ZYG11B: variants seen among roughly 807,000 people sequenced by gnomAD.
The protein encoded by ZYG11B is protein zyg-11 homolog B.
Under a neutral mutation model 82.4 loss-of-function variants are expected in ZYG11B, and 36 were observed. The ratio of observed to expected loss-of-function variants is 0.44; its 90% CI spans 0.33 to 0.58. The LOEUF (loss-of-function observed/expected upper bound fraction) is 0.58. ZYG11B is among the 20% of genes least tolerant of loss of function. The pLI is 0.02. For missense variants in ZYG11B, 552 were observed against 895.6 expected, an observed-to-expected ratio of 0.62 and a Z score of 4.90; for synonymous variants, 303 against 312.8, an observed-to-expected ratio of 0.97 and a Z score of 0.33.
Position 52,726,477 on chromosome 1 carries a change from G to C in ZYG11B, c.-177G>C. 1.9e-6 allele frequency: 1 copy of C among 517,480 alleles called. No homozygotes were observed. The highest frequency in any genetic ancestry group is 3.0e-6 in the Non-Finnish European group (1 of 335,328). The allele number at this position is 517,480 out of a possible 1,614,324, so 32.1% of individuals were successfully genotyped here. Reference sequence around the variant, plus strand: ...CGGAGTCTGCGCTCTGGTTCGGGCTGCGGCTGCGGCTGCGGCTGCGGCTGC... The same window carrying C: ...CGGAGTCTGCGCTCTGGTTCGGGCTCCGGCTGCGGCTGCGGCTGCGGCTGC... On this transcript the variant is annotated 5_prime_UTR_variant, in exon 1 of 14. Transcript: ENST00000294353.
intron 8 of ZYG11B, among the ~76,000 whole-genome samples, chr1:52,797,418 T>TTA (rs1553262190): frequency 2.3e-5 from 2 of 88,420 alleles, no homozygotes; most frequent in Non-Finnish European, 4.1e-5. Flanking sequence ...ATATCATATA[T>TTA]TATACATATT....
At chr1:52,754,103 G>A (rs1644550360) in intron 1 of ZYG11B, among the ~76,000 whole-genome samples, 1 of 150,910 alleles carries the variant, frequency 6.6e-6, no homozygotes, top group Non-Finnish European at 1.5e-5. Context: ...CTGCCTCACT[G>A]CAACCTCTGC....
At chr1:52,795,866 C>A (rs1440965202) in intron 6 of ZYG11B, among the ~76,000 whole-genome samples, 1 of 152,094 alleles carries the variant, frequency 6.6e-6, no homozygotes, top group Non-Finnish European at 1.5e-5. Flanking sequence ...TATTCTATCT[C>A]CAGCACTAAG....
At chr1:52,772,968 C>T (rs1205112028) in intron 3 of ZYG11B, among the ~76,000 whole-genome samples, 6 of 152,028 alleles carry the variant, frequency 3.9e-5, no homozygotes, top group African/African-American at 1.4e-4. Flanking sequence ...TGAGCCACCG[C>T]GCCCAGCTAC....
chr1:52,803,169 CACACAT>C (rs1558140301), intron 10 of ZYG11B, among the ~76,000 whole-genome samples: 992 of 33,792 alleles, frequency 0.029, 135 homozygotes, highest in African/African-American at 0.16. Context: ...TATATATATA[CACACAT>C]ATATATATAT....
rs369567471 is a variant in ZYG11B at position 52,741,669 on chromosome 1, C to T, written c.31-14789C>T. ...TGAGAATACAGTAGAGAAGAAAATG[C>T]GGGGTTTTTTTCTATGCAGCTGATA... is the stretch of plus-strand genomic sequence containing the variant. On this transcript the variant is annotated intron_variant, in intron 1 of 13. Coordinates refer to ENST00000294353, the MANE Select transcript of ZYG11B (RefSeq NM_024646.3). Among the ~76,000 whole-genome samples the T allele has an allele frequency of 1.6e-4, 24 of 151,952 alleles. No individual in the cohort carries two copies. In the East Asian group the frequency reaches 2.9e-3, roughly 18 times the overall value.
At chr1:52,753,097 C>T (rs1315336342) in intron 1 of ZYG11B, among the ~76,000 whole-genome samples, 3 of 152,118 alleles carry the variant, frequency 2.0e-5, no homozygotes, top group East Asian at 1.9e-4. Context: ...CCACCCACCT[C>T]GGCCTCCCAA....
At chr1:52,816,422 CTAAA>C (rs1229465612) in intron 12 of ZYG11B, 106 bp from the exon 13 acceptor site, 1 of 710,782 alleles carries the variant, frequency 1.4e-6, no homozygotes, top group Non-Finnish European at 2.4e-6. Flanking sequence ...TTATATTAGT[CTAAA>C]TATAATAGGA....
intron 1 of ZYG11B, among the ~76,000 whole-genome samples, chr1:52,733,190 A>G (rs1194720566): frequency 6.6e-6 from 1 of 152,204 alleles, no homozygotes; most frequent in Non-Finnish European, 1.5e-5. Flanking sequence ...AGTTACTGAG[A>G]AAGTTTTATC....
Position 52,771,297 on chromosome 1 carries a change from C to T in ZYG11B, c.474C>T (p.Phe158=). The T allele has an allele frequency of 1.2e-6, 2 of 1,614,218 alleles. No homozygotes were observed. Among genetic ancestry groups the T allele is most frequent in the Non-Finnish European group, 1.7e-6 (2 of 1,180,034 alleles). The change falls in exon 3 of 14, where the codon TTC becomes TTT. Residue 158 remains phenylalanine (F), a synonymous_variant. Coordinates refer to ENST00000294353, the MANE Select transcript of ZYG11B (RefSeq NM_024646.3). This position sits in a 1 kb window ranked among gnomAD's most constrained non-coding sequence, Gnocchi z 5.4. ...LSLEDPYERC[F]SRLSGLRALS... is the part of the protein sequence containing the mutation. The stretch of plus-strand genomic sequence containing the variant: ...TCGAGGATCCTTACGAGCGCTGCTT[C>T]AGCCGGCTTTCTGGCCTTCGAGCTT...
chr1:52,737,847 A>C (rs182512525), intron 1 of ZYG11B, among the ~76,000 whole-genome samples: 38 of 152,366 alleles, frequency 2.5e-4, no homozygotes, highest in Non-Finnish European at 4.9e-4. Flanking sequence ...GTTAACTGAG[A>C]TGTTGTGATA....
chr1:52,728,930 T>C (rs891509670), intron 1 of ZYG11B, among the ~76,000 whole-genome samples: 5 of 152,078 alleles, frequency 3.3e-5, no homozygotes, highest in African/African-American at 9.7e-5. Context: ...ATTACCCTTA[T>C]ATAGCATGGA....
At chr1:52,734,019 G>A (rs1644357342) in intron 1 of ZYG11B, among the ~76,000 whole-genome samples, 1 of 151,788 alleles carries the variant, frequency 6.6e-6, no homozygotes, top group Non-Finnish European at 1.5e-5. Flanking sequence ...TTTTCATAGT[G>A]ACAGGGTCTT....
chr1:52,751,332 TAAA>T lies in ZYG11B; in HGVS notation c.31-5113_31-5111del, dbSNP rs201206768. On this transcript the variant is annotated intron_variant, in intron 1 of 13. Transcript: ENST00000294353. ...TGGGTTGTTTCTACTATGATATAGT[TAAA>T]AAAAAAAAAAAATAGCCAGCGCGGT... 1.8e-3 allele frequency among the ~76,000 whole-genome samples: 248 copies of T among 141,316 alleles called. 1 individual carries two copies. The highest frequency in any genetic ancestry group is 5.4e-3 in the East Asian group (26 of 4,798). 92.7% of individuals were successfully genotyped at this position (141,316 alleles called of 152,430 possible).
chr1:52,817,511 T>C (rs1229273041), intron 13 of ZYG11B, among the ~76,000 whole-genome samples: 1 of 151,232 alleles, frequency 6.6e-6, no homozygotes, highest in Non-Finnish European at 1.5e-5. Context: ...CTGCCTCAGC[T>C]TGTAGCTAGG....
chr1:52,753,466 C>G (rs1368814483), intron 1 of ZYG11B, among the ~76,000 whole-genome samples: 2 of 149,912 alleles, frequency 1.3e-5, no homozygotes, highest in East Asian at 3.9e-4. Flanking sequence ...GTCACCCAGG[C>G]TGGCGTGCAA....
chr1:52,783,872 ACGTGTG>A (rs1644883180), intron 4 of ZYG11B, among the ~76,000 whole-genome samples: 2 of 138,118 alleles, frequency 1.4e-5, no homozygotes, highest in African/African-American at 6.2e-5. Context: ...ATGTACATAC[ACGTGTG>A]TGTATATGTA....
intron 10 of ZYG11B, among the ~76,000 whole-genome samples, chr1:52,810,796 A>G (rs1645175729): frequency 6.6e-6 from 1 of 152,152 alleles, no homozygotes; most frequent in African/African-American, 2.4e-5. Context: ...ACACTTTAGG[A>G]GGCCAAGGCG....
intron 3 of ZYG11B, among the ~76,000 whole-genome samples, chr1:52,777,580 A>G (rs1407214541): frequency 6.6e-6 from 1 of 152,134 alleles, no homozygotes; most frequent in Non-Finnish European, 1.5e-5. Flanking sequence ...AGCTGGGACT[A>G]CAGGCATGCA....
Sources: allele counts gnomAD v4.1 joint callset (sites outside exome capture counted in the v4.1 genomes callset), GRCh38; gene constraint gnomAD v4.1.1; non-coding constraint Gnocchi (gnomAD v3.1); transcripts MANE v1.5; gene names NCBI Gene and HGNC (gene_info 2026-07-23, HGNC 2026-07-21).